Variants in CACNB2 observed in about 807,000 individuals in gnomAD.
The protein encoded by CACNB2 is calcium voltage-gated channel auxiliary subunit beta 2.
In CACNB2, 42 loss-of-function variants were observed where a neutral mutation model predicts 73.3. The observed-to-expected ratio is 0.57, with a 90% CI of 0.45 to 0.74. CACNB2 has a LOEUF of 0.74. CACNB2 is among the 30% of genes least tolerant of loss of function. CACNB2 has a pLI of 0.00. For synonymous variants in CACNB2, 348 were observed against 310.3 expected (o/e 1.12, Z -1.28); for missense variants, 940 against 853.0 (o/e 1.10, Z -1.27).
intron 3 of CACNB2, among the ~76,000 whole-genome samples, chr10:18,402,795 C>A (rs1160149690): frequency 6.6e-6 from 1 of 152,204 alleles, no homozygotes; most frequent in African/African-American, 2.4e-5. Context: ...GTGGGATACT[C>A]AGTCACTTCT....
In CACNB2 at chr10:18,282,181, C is replaced by T. The variant is rs151176276; in HGVS notation, c.214-119743C>T. Among the ~76,000 whole-genome samples, 303 of 152,112 alleles carry T rather than the reference C, an allele frequency of 2.0e-3. 4 individuals carry two copies. Among genetic ancestry groups the T allele is most frequent in the Admixed American group, 0.014 (208 of 15,250 alleles). On this transcript the variant is annotated intron_variant, in intron 2 of 13. Transcript: ENST00000324631. The stretch of plus-strand genomic sequence containing the variant: ...TTGTCCCTAGGGGCAGTCATTACCC[C>T]ACATTTCTGGGCTGGCTGGTGAAAA...
chr10:18,209,359 T>A (rs1403248435), intron 2 of CACNB2, among the ~76,000 whole-genome samples: 1 of 152,232 alleles, frequency 6.6e-6, no homozygotes, highest in Admixed American at 6.5e-5. Context: ...GTTATTAAAT[T>A]TTCAAGAAAG....
At chr10:18,359,919 G>T (rs1403521026) in intron 2 of CACNB2, among the ~76,000 whole-genome samples, 1 of 152,062 alleles carries the variant, frequency 6.6e-6, no homozygotes, top group African/African-American at 2.4e-5. Context: ...AGAGTCCTGG[G>T]TTGTAAATTG....
chr10:18,179,607 T>TC lies in CACNB2; in HGVS notation c.213+28632_213+28633insC, dbSNP rs201445545. Among the ~76,000 whole-genome samples the TC allele has an allele frequency of 5.1e-4, 77 of 150,484 alleles. No individual in the cohort carries two copies. The East Asian group carries it at 0.014, about 27-fold the overall frequency. ...AAGATAAGCTCAAATCAGCAGATTT[T>TC]TTTTTTTTTTAATTCAGGGATTTCT... is the stretch of plus-strand genomic sequence containing the variant. On this transcript the variant is annotated intron_variant, in intron 2 of 13. Transcript: ENST00000324631.
At chr10:18,517,440 T>C (rs1211584891) in intron 7 of CACNB2, among the ~76,000 whole-genome samples, 2 of 152,196 alleles carry the variant, frequency 1.3e-5, no homozygotes, top group African/African-American at 4.8e-5. Context: ...TTGACAGTTT[T>C]AGAAATTGCT....
intron 3 of CACNB2, among the ~76,000 whole-genome samples, chr10:18,406,066 A>G (rs1220248351): frequency 6.6e-6 from 1 of 152,210 alleles, no homozygotes; most frequent in African/African-American, 2.4e-5. Flanking sequence ...AATATCTACT[A>G]TATTAAAGAA....
chr10:18,165,239 G>A (rs547484098), intron 2 of CACNB2, among the ~76,000 whole-genome samples: 4 of 152,180 alleles, frequency 2.6e-5, no homozygotes, highest in African/African-American at 9.7e-5. Context: ...GAAGGAATGC[G>A]TCATCCGAGA....
intron 2 of CACNB2, among the ~76,000 whole-genome samples, chr10:18,367,942 C>T (rs746607306): frequency 8.6e-5 from 13 of 152,012 alleles, no homozygotes; most frequent in Admixed American, 1.3e-4. Context: ...AGAAACGAAC[C>T]TATGTTAAAG....
chr10:18,158,953 G>C (rs1264717426), intron 2 of CACNB2, among the ~76,000 whole-genome samples: 2 of 152,264 alleles, frequency 1.3e-5, no homozygotes, highest in Middle Eastern at 3.4e-3. Flanking sequence ...TTTGATGAGG[G>C]GGGAGGTAGA....
intron 3 of CACNB2, among the ~76,000 whole-genome samples, chr10:18,445,873 A>C (rs1166878534): frequency 1.3e-5 from 2 of 152,210 alleles, no homozygotes; most frequent in Non-Finnish European, 2.9e-5. Context: ...GTCTCTACCA[A>C]AAATACAAAA....
At chr10:18,247,776 A>AT (rs1353651872) in intron 2 of CACNB2, among the ~76,000 whole-genome samples, 4 of 152,222 alleles carry the variant, frequency 2.6e-5, no homozygotes, top group African/African-American at 9.6e-5. Context: ...TAAATTTTAG[A>AT]TCTTTTACTC....
chr10:18,424,727 A>T (rs1422855539), intron 3 of CACNB2, among the ~76,000 whole-genome samples: 1 of 152,194 alleles, frequency 6.6e-6, no homozygotes, highest in Non-Finnish European at 1.5e-5. Context: ...AAGTAGAATA[A>T]TCAAGGTGTT....
intron 1 of CACNB2, among the ~76,000 whole-genome samples, chr10:18,141,399 C>A (rs990874594): frequency 4.6e-5 from 7 of 152,198 alleles, no homozygotes; most frequent in Non-Finnish European, 7.3e-5. Flanking sequence ...GACCACGCTG[C>A]GCACCTGGGG....
intron 4 of CACNB2, 31 bp downstream of exon 4, chr10:18,498,508 A>G: frequency 6.2e-7 from 1 of 1,610,936 alleles, no homozygotes; most frequent in South Asian, 1.1e-5. Flanking sequence ...TTCTAACAGC[A>G]TGATGTTTCA....
At chr10:18,391,485 A>G (rs2043465700) in intron 2 of CACNB2, among the ~76,000 whole-genome samples, 1 of 152,186 alleles carries the variant, frequency 6.6e-6, no homozygotes. Context: ...TTTGTTGAGC[A>G]TGCATTCCAT....
At chr10:18,150,083 T>C (rs190120996) in intron 1 of CACNB2, among the ~76,000 whole-genome samples, 5 of 152,346 alleles carry the variant, frequency 3.3e-5, no homozygotes, top group Admixed American at 6.5e-5. Context: ...TTTTAATGTT[T>C]AATATTTGCC....
At chr10:18,488,659 A>G (rs1485553366) in intron 3 of CACNB2, among the ~76,000 whole-genome samples, 1 of 152,062 alleles carries the variant, frequency 6.6e-6, no homozygotes, top group Non-Finnish European at 1.5e-5. Flanking sequence ...ACCTGGGCCC[A>G]ATCTTTTTTT....
At chr10:18,424,544 G>T (rs558185508) in intron 3 of CACNB2, among the ~76,000 whole-genome samples, 3 of 152,168 alleles carry the variant, frequency 2.0e-5, no homozygotes, top group East Asian at 3.9e-4. Flanking sequence ...TCCTCAGTCT[G>T]GTCGGGTGTC....
chr10:18,288,004 G>T (rs1201533386), intron 2 of CACNB2, among the ~76,000 whole-genome samples: 1 of 152,148 alleles, frequency 6.6e-6, no homozygotes, highest in Non-Finnish European at 1.5e-5. Flanking sequence ...CCAATCACGT[G>T]CTGTCTTCTC....
Sources: gnomAD v4.1 joint callset for allele counts (sites outside exome capture counted in the v4.1 genomes callset) on GRCh38, gnomAD v4.1.1 for gene constraint, MANE v1.5 for transcripts, NCBI Gene and HGNC (gene_info 2026-07-23, HGNC 2026-07-21) for gene names.